Variants in SIRPB1 observed in about 807,000 individuals in gnomAD.
SIRPB1 encodes signal-regulatory protein beta-1.
SIRPB1 carries 28 observed loss-of-function variants against 34.1 expected under a neutral mutation model. The observed-to-expected ratio is 0.82, with a 90% confidence interval of 0.61 to 1.12. The LOEUF (loss-of-function observed/expected upper bound fraction) is 1.12, where lower values mean the gene tolerates loss of function less well. SIRPB1 is among the 50% of genes most tolerant of loss of function. SIRPB1 has a pLI of 0.00. For synonymous variants in SIRPB1, 211 were observed against 203.8 expected, an observed-to-expected ratio of 1.04 and a Z score of -0.30; for missense variants, 499 against 507.0, an observed-to-expected ratio of 0.98 and a Z score of 0.15.
intron 2 of SIRPB1, 109 bp from the exon 3 acceptor site, chr20:1,572,146 A>C: frequency 6.5e-7 from 1 of 1,533,262 alleles, no homozygotes; most frequent in East Asian, 2.3e-5. Flanking sequence ...TAATCTTTCT[A>C]ATAATGTCGT....
Position 1,564,777 on chromosome 20 carries a change from G to T in SIRPB1, c.*723C>A. On this transcript the variant is annotated 3_prime_UTR_variant, in exon 6 of 6. Transcript: ENST00000381605. ...GGCAAGCACTGCAAAACAGCTTTTGGTTTTTCCCTTTCAGAAAGTCCATTG... is the reference window on the plus strand; with the variant it reads ...GGCAAGCACTGCAAAACAGCTTTTGTTTTTTCCCTTTCAGAAAGTCCATTG... 1 of 397,360 alleles carries T rather than the reference G, an allele frequency of 2.5e-6. No homozygotes were observed. Among genetic ancestry groups the T allele is most frequent in the Non-Finnish European group, 4.4e-6 (1 of 225,788 alleles). The allele number at this position is 397,360 out of a possible 1,614,324, so 24.6% of individuals were successfully genotyped here. A position where few individuals can be genotyped will look rare whatever the true frequency, so the allele number is the denominator to read the frequency against.
chr20:1,570,549 C>G (rs1011308441), intron 4 of SIRPB1: 43 of 374,050 alleles, frequency 1.1e-4, no homozygotes, highest in Non-Finnish European at 1.9e-4. Context: ...ATATTTATGT[C>G]AAAATATCTA....
At chr20:1,577,861 G>C (rs1371620765) in intron 2 of SIRPB1, among the ~76,000 whole-genome samples, 1 of 147,502 alleles carries the variant, frequency 6.8e-6, no homozygotes. Context: ...TGGTGGGGGA[G>C]CGCTTTAGGC....
chr20:1,566,592 C>T (rs563626229), intron 4 of SIRPB1, among the ~76,000 whole-genome samples: 2 of 152,248 alleles, frequency 1.3e-5, no homozygotes, highest in South Asian at 4.1e-4. Context: ...ATTATTATTC[C>T]ATTCTGATGG....
rs2091427785 is a variant in SIRPB1, at chr20:1,587,403, G to A, written c.77-8709C>T. On this transcript the variant is annotated intron_variant, in intron 1 of 5. Transcript: ENST00000381605. ...GGGCCCAGTGGGGAGCTGAGAGGCTGCTGTGCCCAGCGCTGTGACCCTGGT... is the reference window on the plus strand; with the variant it reads ...GGGCCCAGTGGGGAGCTGAGAGGCTACTGTGCCCAGCGCTGTGACCCTGGT... 4.1e-5 allele frequency among the ~76,000 whole-genome samples: 2 copies of A among 49,102 alleles called. 1 individual carries two copies. Among genetic ancestry groups the A allele is most frequent in the South Asian group, 1.5e-3 (2 of 1,364 alleles). The allele number at this position is 49,102 out of a possible 152,430, so 32.2% of individuals were successfully genotyped here.
chr20:1,615,912 A>G (rs1004927522), intron 1 of SIRPB1, among the ~76,000 whole-genome samples: 6 of 152,174 alleles, frequency 3.9e-5, no homozygotes, highest in Non-Finnish European at 8.8e-5. Context: ...ATGTATATTG[A>G]TTACTGTCAT....
chr20:1,617,921 A>C (rs1288151890), intron 1 of SIRPB1, among the ~76,000 whole-genome samples: 1 of 152,196 alleles, frequency 6.6e-6, no homozygotes, highest in East Asian at 1.9e-4. Context: ...ATATGCATAC[A>C]TGCATATACA....
chr20:1,565,846 T>C (rs779890382), intron 5 of SIRPB1, among the ~76,000 whole-genome samples: 5 of 151,964 alleles, frequency 3.3e-5, no homozygotes, highest in Non-Finnish European at 5.9e-5. Context: ...ACCCACTCAG[T>C]TGGCCCTCAC....
rs557173941 is a variant in SIRPB1, at chr20:1,576,299, AATGTACATTTTCATGTACATAC to A, written c.433+2017_433+2038del. ...GAGCTGATTTCAGTCATTACTGAGCAATGTACATTTTCATGTACATACATGTACATGAAAGCATCATGTTTTA... is the reference window on the plus strand; with the variant it reads ...GAGCTGATTTCAGTCATTACTGAGCAATGTACATGAAAGCATCATGTTTTA... On this transcript the variant is annotated intron_variant, in intron 2 of 5. Coordinates refer to ENST00000381605, the MANE Select transcript of SIRPB1 (RefSeq NM_006065.5). Among the ~76,000 whole-genome samples the A allele has an allele frequency of 5.5e-4, 81 of 148,278 alleles. 4 individuals carry two copies. The highest frequency in any genetic ancestry group is 1.2e-3 in the African/African-American group (51 of 40,942).
chr20:1,569,028 A>G (rs1471128399), intron 4 of SIRPB1, among the ~76,000 whole-genome samples: 2 of 152,252 alleles, frequency 1.3e-5, no homozygotes, highest in Non-Finnish European at 2.9e-5. Flanking sequence ...TGCAGACACC[A>G]AAAGGGTTAT....
At chr20:1,578,846 C>T in intron 1 of SIRPB1, 152 bp from the exon 2 acceptor site, 1 of 684,174 alleles carries the variant, frequency 1.5e-6, no homozygotes, top group Non-Finnish European at 2.5e-6. Context: ...TTAACCCTCA[C>T]AACTGGCCTG....
Position 1,566,273 on chromosome 20 carries a change from A to AG in SIRPB1, c.1085-7_1085-6insC. ...AGTAGGAGCCAGCGCTGCTTCTGGA[A>AG]ATCAGGGAAGAGGAGGAGCCATGAG... On this transcript the variant is annotated splice_region_variant and splice_polypyrimidine_tract_variant and intron_variant, in intron 4 of 5. Coordinates refer to ENST00000381605, the MANE Select transcript of SIRPB1 (RefSeq NM_006065.5). 6.3e-7 allele frequency: 1 copy of AG among 1,581,192 alleles called. No homozygotes were observed. The highest frequency in any genetic ancestry group is 8.6e-7 in the Non-Finnish European group (1 of 1,161,064).
At chr20:1,571,653 G>T (rs1371047868) in intron 3 of SIRPB1, 67 bp downstream of exon 3, 123 of 1,609,752 alleles carry the variant, frequency 7.6e-5, no homozygotes, top group Non-Finnish European at 9.8e-5. Flanking sequence ...AAGCTCTGGA[G>T]CCTGGGGAGA....
chr20:1,620,001 C>T lies in SIRPB1; in HGVS notation c.-57G>A, dbSNP rs774192134. 67 of 1,535,814 alleles carry T rather than the reference C, an allele frequency of 4.4e-5. No individual in the cohort carries two copies. The highest frequency in any genetic ancestry group is 5.6e-5 in the Non-Finnish European group (64 of 1,133,490). On this transcript the variant is annotated 5_prime_UTR_variant, in exon 1 of 6. Coordinates refer to ENST00000381605, the MANE Select transcript of SIRPB1 (RefSeq NM_006065.5). ...ACGTCTGTGCTGGGAAGATCGCAGA[C>T]TCTGCTCTGAGGAGAGAAGACAAGC...
At chr20:1,619,421 C>T (rs1203427137) in intron 1 of SIRPB1, among the ~76,000 whole-genome samples, 1 of 152,136 alleles carries the variant, frequency 6.6e-6, no homozygotes, top group African/African-American at 2.4e-5. Context: ...CCAGGATACA[C>T]CACACCACTG....
rs749728983 is a variant in SIRPB1 at position 1,619,949 on chromosome 20, G to C, written c.-5C>G. Reference sequence around the variant, plus strand: ...CCAGGAGGCTGGCACGGGCATTCTGGAGACCTTAGGAGCCTGCTCTGTCCA... The same window carrying C: ...CCAGGAGGCTGGCACGGGCATTCTGCAGACCTTAGGAGCCTGCTCTGTCCA... On this transcript the variant is annotated 5_prime_UTR_variant, in exon 1 of 6. Coordinates refer to ENST00000381605, the MANE Select transcript of SIRPB1 (RefSeq NM_006065.5). 6.2e-7 allele frequency: 1 copy of C among 1,612,644 alleles called. No individual in the cohort carries two copies. The highest frequency in any genetic ancestry group is 1.1e-5 in the South Asian group (1 of 91,000).
At chr20:1,568,463 T>C (rs2091174798) in intron 4 of SIRPB1, among the ~76,000 whole-genome samples, 1 of 152,142 alleles carries the variant, frequency 6.6e-6, no homozygotes, top group Non-Finnish European at 1.5e-5. Flanking sequence ...TCAGCCCCAG[T>C]GGGTGGTTGG....
At chr20:1,617,835 AG>A (rs2091652105) in intron 1 of SIRPB1, among the ~76,000 whole-genome samples, 1 of 152,200 alleles carries the variant, frequency 6.6e-6, no homozygotes, top group Non-Finnish European at 1.5e-5. Context: ...TTTTGTTAAA[AG>A]TTTCATTGAA....
chr20:1,611,898 C>T lies in SIRPB1; in HGVS notation c.76+7971G>A, dbSNP rs375077839. The stretch of plus-strand genomic sequence containing the variant: ...CTGTGACATAAGACTGTAATACAAG[C>T]GAGGACACTGAGGCACAGAGAGGTT... On this transcript the variant is annotated intron_variant, in intron 1 of 5. Coordinates refer to ENST00000381605, the MANE Select transcript of SIRPB1 (RefSeq NM_006065.5). Among the ~76,000 whole-genome samples, 5 of 72,496 alleles carry T rather than the reference C, an allele frequency of 6.9e-5. 2 individuals are homozygous for T. Among genetic ancestry groups the T allele is most frequent in the East Asian group, 1.2e-3 (2 of 1,738 alleles). 47.6% of individuals were successfully genotyped at this position (72,496 alleles called of 152,430 possible).
Sources: allele counts gnomAD v4.1 joint callset (sites outside exome capture counted in the v4.1 genomes callset), GRCh38; gene constraint gnomAD v4.1.1; transcripts MANE v1.5; gene names NCBI Gene and HGNC (gene_info 2026-07-23, HGNC 2026-07-21).